Variants in LYPD6 observed in about 807,000 individuals in gnomAD.
LYPD6 encodes LY6/PLAUR domain containing 6.
A neutral mutation model predicts 22.7 loss-of-function variants in LYPD6; 15 were observed. The observed-to-expected ratio is 0.66, with a 90% CI of 0.44 to 1.02. LYPD6 has a LOEUF of 1.02. Ranked by LOEUF, LYPD6 falls within the 50% of genes least tolerant of loss-of-function variation. LYPD6 has a pLI of 0.00. For missense variants in LYPD6, 189 were observed against 208.4 expected (o/e 0.91, Z 0.57); for synonymous variants, 72 against 77.5 (o/e 0.93, Z 0.37).
chr2:149,442,996 T>C (rs1683602487), intron 2 of LYPD6, among the ~76,000 whole-genome samples: 1 of 152,188 alleles, frequency 6.6e-6, no homozygotes, highest in Non-Finnish European at 1.5e-5. Context: ...CGATACGTGC[T>C]GATAAACTCA....
At chr2:149,431,716 G>A (rs1263058836) in intron 1 of LYPD6, among the ~76,000 whole-genome samples, 4 of 152,050 alleles carry the variant, frequency 2.6e-5, no homozygotes, top group South Asian at 2.1e-4. Flanking sequence ...GTCCTGTGTC[G>A]GTTGTGATTT....
chr2:149,381,063 G>A (rs1559131604), intron 1 of LYPD6, among the ~76,000 whole-genome samples: 3 of 152,164 alleles, frequency 2.0e-5, no homozygotes, highest in Non-Finnish European at 4.4e-5. Context: ...GTGGCCTTGA[G>A]GAGAATTGTT....
At chr2:149,411,234 G>A (rs962559586) in intron 1 of LYPD6, among the ~76,000 whole-genome samples, 2 of 152,214 alleles carry the variant, frequency 1.3e-5, no homozygotes, top group Non-Finnish European at 1.5e-5. Context: ...TGGCTAAGCC[G>A]TAAAATCAAG....
intron 1 of LYPD6, among the ~76,000 whole-genome samples, chr2:149,422,912 C>T (rs886330983): frequency 6.6e-6 from 1 of 152,134 alleles, no homozygotes; most frequent in Non-Finnish European, 1.5e-5. Flanking sequence ...CTAGGTTCAT[C>T]CATGTTGCTG....
intron 1 of LYPD6, among the ~76,000 whole-genome samples, chr2:149,436,532 A>G (rs189772609): frequency 1.3e-5 from 2 of 152,332 alleles, no homozygotes; most frequent in African/African-American, 4.8e-5. Flanking sequence ...TAAAGGACAC[A>G]GTAGATAGTA....
At chr2:149,468,846 C>T in intron 4 of LYPD6, 71 bp downstream of exon 4, 1 of 1,515,130 alleles carries the variant, frequency 6.6e-7, no homozygotes, top group Non-Finnish European at 9.0e-7. Context: ...TGCCAGTACT[C>T]ATGAGCAGAT....
intron 1 of LYPD6, among the ~76,000 whole-genome samples, chr2:149,361,650 G>T (rs566986322): frequency 1.3e-5 from 2 of 152,258 alleles, no homozygotes; most frequent in South Asian, 2.1e-4. Context: ...TTTTGAATAT[G>T]TCTGTTTTAT....
intron 2 of LYPD6, among the ~76,000 whole-genome samples, chr2:149,439,621 C>A (rs911089291): frequency 6.6e-6 from 1 of 152,156 alleles, no homozygotes; most frequent in Non-Finnish European, 1.5e-5. Context: ...CTGGATTTAA[C>A]AACATACACA....
chr2:149,389,772 AATT>A (rs1682269482), intron 1 of LYPD6, among the ~76,000 whole-genome samples: 1 of 152,178 alleles, frequency 6.6e-6, no homozygotes, highest in Non-Finnish European at 1.5e-5. Context: ...TCGTGTTTCT[AATT>A]AGTCAGACAC....
intron 1 of LYPD6, among the ~76,000 whole-genome samples, chr2:149,367,072 G>A (rs1348034328): frequency 6.6e-6 from 1 of 152,002 alleles, no homozygotes; most frequent in Non-Finnish European, 1.5e-5. Context: ...CTGTCAATCA[G>A]GATAAAGGAG....
chr2:149,381,499 G>A (rs1345173177), intron 1 of LYPD6, among the ~76,000 whole-genome samples: 1 of 152,158 alleles, frequency 6.6e-6, no homozygotes, highest in African/African-American at 2.4e-5. Context: ...GAGACCATGT[G>A]CCAGTTCTTT....
intron 1 of LYPD6, among the ~76,000 whole-genome samples, chr2:149,432,969 A>G (rs184409114): frequency 1.3e-5 from 2 of 152,358 alleles, no homozygotes; most frequent in African/African-American, 4.8e-5. Flanking sequence ...ATAAAATAAT[A>G]CATGCTCATT....
At chr2:149,336,361 T>C (rs1681034275) in intron 1 of LYPD6, among the ~76,000 whole-genome samples, 1 of 152,132 alleles carries the variant, frequency 6.6e-6, no homozygotes, top group Non-Finnish European at 1.5e-5. Flanking sequence ...AAAGTCAAAA[T>C]GGAAGATTGA....
chr2:149,458,708 T>C (rs1681021901), intron 3 of LYPD6, among the ~76,000 whole-genome samples: 2 of 152,190 alleles, frequency 1.3e-5, no homozygotes, highest in African/African-American at 4.8e-5. Context: ...GAAACAAATT[T>C]TTAAAATCTC....
intron 1 of LYPD6, among the ~76,000 whole-genome samples, chr2:149,413,196 A>G (rs1682890538): frequency 1.3e-5 from 2 of 152,008 alleles, no homozygotes; most frequent in Admixed American, 1.3e-4. Flanking sequence ...TCCTCCAGAC[A>G]CCCTCTGTTA....
downstream of LYPD6, among the ~76,000 whole-genome samples, chr2:149,477,951 A>G (rs1267859442): frequency 6.6e-6 from 1 of 152,182 alleles, no homozygotes; most frequent in Non-Finnish European, 1.5e-5. Flanking sequence ...GTAGGTAAAT[A>G]TAACTTGCCA....
At chr2:149,400,846 C>G (rs1253764319) in intron 1 of LYPD6, among the ~76,000 whole-genome samples, 1 of 151,966 alleles carries the variant, frequency 6.6e-6, no homozygotes, top group Non-Finnish European at 1.5e-5. Context: ...TAGATGGATC[C>G]TCACTCCGGG....
rs145209611 is a variant in LYPD6 at position 149,416,278 on chromosome 2, T to C, written c.-71-21360T>C. On this transcript the variant is annotated intron_variant, in intron 1 of 4. Coordinates refer to ENST00000334166, the MANE Select transcript of LYPD6 (RefSeq NM_194317.5). ...ATCACCTTGGTGGGTCTTGCTGGCT[T>C]ACTTAATGATGTGACCCAAATCCTC... Among the ~76,000 whole-genome samples the C allele has an allele frequency of 2.0e-4, 30 of 152,340 alleles. No homozygotes were observed. The East Asian group carries it at 5.6e-3, about 28-fold the overall frequency.
intron 1 of LYPD6, among the ~76,000 whole-genome samples, chr2:149,427,999 TA>T (rs1327947189): frequency 1.3e-5 from 2 of 152,218 alleles, no homozygotes; most frequent in Non-Finnish European, 1.5e-5. Context: ...TGAACTTTTT[TA>T]AAAAACATTG....
Sources: allele counts gnomAD v4.1 joint callset (sites outside exome capture counted in the v4.1 genomes callset), GRCh38; gene constraint gnomAD v4.1.1; transcripts MANE v1.5; gene names NCBI Gene and HGNC (gene_info 2026-07-23, HGNC 2026-07-21).